Variants in DOT1L observed in about 807,000 individuals in gnomAD.
DOT1L encodes DOT1 like histone lysine methyltransferase, also known as histone-lysine N-methyltransferase, H3 lysine-79 specific.
Under a neutral mutation model 153.3 loss-of-function variants are expected in DOT1L, and 33 were observed. That is an observed-to-expected ratio of 0.22 (90% CI 0.16 to 0.29). The LOEUF (loss-of-function observed/expected upper bound fraction) is 0.29. DOT1L is among the 10% of genes least tolerant of loss of function. The probability of loss-of-function intolerance (pLI) is 1.00; values close to 1 mark genes in which losing one functional copy is unlikely to be tolerated. For missense variants in DOT1L, 1,847 were observed against 2,119.9 expected (o/e 0.87, Z 2.53); for synonymous variants, 1,135 against 965.1 (o/e 1.18, Z -3.26).
rs1172919978 is a variant in DOT1L at position 2,210,863 on chromosome 19, G to A, written c.1351+8G>A. 2.5e-6 allele frequency: 4 copies of A among 1,610,642 alleles called. No individual in the cohort carries two copies. Among genetic ancestry groups the A allele is most frequent in the African/African-American group, 1.3e-5 (1 of 74,834 alleles). ...CGGCCTCCTCACCCCAGGGTGAGCCGCCCCCACGCCACGGCCCCCGCTCTC... is the reference window on the plus strand; with the variant it reads ...CGGCCTCCTCACCCCAGGGTGAGCCACCCCCACGCCACGGCCCCCGCTCTC... On this transcript the variant is annotated splice_region_variant and intron_variant, in intron 14 of 27. Coordinates refer to ENST00000398665, the MANE Select transcript of DOT1L (RefSeq NM_032482.3).
At chr19:2,167,397 C>T (rs1026312965) in intron 1 of DOT1L, among the ~76,000 whole-genome samples, 1 of 152,196 alleles carries the variant, frequency 6.6e-6, no homozygotes, top group African/African-American at 2.4e-5. Context: ...CTGGTGTCCC[C>T]GCCCGCATGC....
At chr19:2,194,772 C>T (rs1241706798) in intron 7 of DOT1L, among the ~76,000 whole-genome samples, 195 bp downstream of exon 7, 2 of 152,174 alleles carry the variant, frequency 1.3e-5, no homozygotes, top group Non-Finnish European at 2.9e-5. Context: ...CTGTTGGTAC[C>T]GTCCCTCTCG....
In DOT1L at chr19:2,208,694, G is replaced by T. The variant is rs1282688589; in HGVS notation, c.964-241G>T. 6.6e-6 allele frequency among the ~76,000 whole-genome samples: 1 copy of T among 152,122 alleles called. No individual in the cohort carries two copies. Among genetic ancestry groups the T allele is most frequent in the Admixed American group, 6.5e-5 (1 of 15,274 alleles). Reference sequence around the variant, plus strand: ...CCAGGGCCCTGTGTCTGTTCTGAAGGCTTAAACCAGCCCCGCCCACCCGTC... The same window carrying T: ...CCAGGGCCCTGTGTCTGTTCTGAAGTCTTAAACCAGCCCCGCCCACCCGTC... On this transcript the variant is annotated intron_variant, in intron 11 of 27. Transcript: ENST00000398665. This position sits in a 1 kb window ranked among gnomAD's most constrained non-coding sequence, Gnocchi z 4.4.
Position 2,191,720 on chromosome 19 carries a change from G to A in DOT1L, c.493+480G>A, listed in dbSNP as rs1199116516. On this transcript the variant is annotated intron_variant, in intron 5 of 27. Transcript: ENST00000398665. This position sits in a 1 kb window ranked among gnomAD's most constrained non-coding sequence, Gnocchi z 6.8. ...TCCCTGGGCTCCCGGAGGCCCTCGCGCCCTCCCTGCATCCCCAGTCTCCCT... is the reference window on the plus strand; with the variant it reads ...TCCCTGGGCTCCCGGAGGCCCTCGCACCCTCCCTGCATCCCCAGTCTCCCT... 6.6e-6 allele frequency among the ~76,000 whole-genome samples: 1 copy of A among 152,036 alleles called. No homozygotes were observed. The highest frequency in any genetic ancestry group is 1.5e-5 in the Non-Finnish European group (1 of 67,964).
At chr19:2,211,062 C>A (rs749405445) in intron 14 of DOT1L, 37 bp from the exon 15 acceptor site, 1 of 1,592,750 alleles carries the variant, frequency 6.3e-7, no homozygotes, top group East Asian at 2.2e-5. Context: ...GCTCTCCCGA[C>A]CCGCCCTGTG....
intron 2 of DOT1L, among the ~76,000 whole-genome samples, chr19:2,185,336 C>T (rs1321272248): frequency 9.2e-5 from 14 of 152,216 alleles, no homozygotes; most frequent in Admixed American, 9.2e-4. Flanking sequence ...CTCGAAGCCA[C>T]GTAATACCTG....
chr19:2,223,548 C>CTGTG (rs895630801), intron 25 of DOT1L, 62 bp downstream of exon 25: 3 of 361,730 alleles, frequency 8.3e-6, no homozygotes, highest in Non-Finnish European at 1.3e-5. Flanking sequence ...TGCCTGCTCA[C>CTGTG]TGTGTGTGTG....
intron 25 of DOT1L, 116 bp downstream of exon 25, chr19:2,223,602 C>T: frequency 1.7e-6 from 2 of 1,153,694 alleles, no homozygotes; most frequent in Non-Finnish European, 2.4e-6. Context: ...TAGGGGGTGC[C>T]CTGGATGGGA....
rs553039466 is a variant in DOT1L at position 2,222,451 on chromosome 19, G to A, written c.3282G>A (p.Ala1094=). Residue 1094 remains alanine, a synonymous_variant, in exon 24 of 28, where the codon GCG becomes GCA. Coordinates refer to ENST00000398665, the MANE Select transcript of DOT1L (RefSeq NM_032482.3). The surrounding 1 kb of genome is among the most constrained non-coding windows in gnomAD (Gnocchi z 6.5). The part of the protein sequence containing the change: ...RRRGRRKRAS[A]GTPSLSAGVS... Reference sequence around the variant, plus strand: ...GCGGCCGGCGGAAGCGAGCATCTGCGGGGACGCCCAGCTTGAGCGCAGGCG... The same window carrying A: ...GCGGCCGGCGGAAGCGAGCATCTGCAGGGACGCCCAGCTTGAGCGCAGGCG... The A allele has an allele frequency of 2.9e-5, 46 of 1,608,102 alleles. No homozygotes were observed. In the East Asian group the frequency reaches 5.8e-4, roughly 20 times the overall value.
chr19:2,195,079 G>A (rs1006695457), intron 7 of DOT1L, among the ~76,000 whole-genome samples: 2 of 152,096 alleles, frequency 1.3e-5, no homozygotes, highest in African/African-American at 2.4e-5. Context: ...ATGGCGTCGC[G>A]TGTGGCCCTC....
chr19:2,225,444 T>C lies in DOT1L; in HGVS notation c.3653T>C (p.Leu1218Ser). ...GAAAGCAAATCTCCCCCGAAAACCT[T>C]GGAAAATGGTGAGTAACAAGTGTTT... ...SLESKSPPKT[L>S]ENGGGLAGRK... is the part of the protein sequence containing the mutation. The change falls in exon 26 of 28, where the codon TTG becomes TCG. Residue 1218 changes from leucine to serine, a missense_variant. Coordinates refer to ENST00000398665, the MANE Select transcript of DOT1L (RefSeq NM_032482.3). The C allele has an allele frequency of 6.2e-7, 1 of 1,614,076 alleles. No individual in the cohort carries two copies. The highest frequency in any genetic ancestry group is 8.5e-7 in the Non-Finnish European group (1 of 1,179,992).
intron 26 of DOT1L, 102 bp downstream of exon 26, chr19:2,225,554 G>A (rs1486597073): frequency 9.5e-6 from 12 of 1,262,100 alleles, no homozygotes; most frequent in African/African-American, 4.4e-5. Context: ...ATCGTGTCCC[G>A]CATGGTGCTG....
Position 2,226,296 on chromosome 19 carries a change from A to T in DOT1L, c.3775A>T (p.Ser1259Cys). Reference protein sequence around the residue: ...SDIGLAKSADSPLQASSALSQ... With the variant: ...SDIGLAKSADCPLQASSALSQ... The stretch of plus-strand genomic sequence containing the variant: ...CATCGGCCTGGCCAAGTCGGCGGAC[A>T]GCCCGCTGCAGGCCAGCTCCGCCCT... The change falls in exon 27 of 28, where the codon AGC becomes TGC. Residue 1259 changes from serine (S) to cysteine (C), a missense_variant. This residue lies in a region of DOT1L where 934 missense variants were observed against 825.3 expected (regional missense o/e 1.13). Transcript: ENST00000398665. 6.3e-7 allele frequency: 1 copy of T among 1,595,732 alleles called. No individual in the cohort carries two copies.
intron 9 of DOT1L, among the ~76,000 whole-genome samples, chr19:2,206,073 T>C (rs570092313): frequency 3.5e-5 from 5 of 143,034 alleles, no homozygotes; most frequent in South Asian, 2.3e-4. Context: ...CTCGACTCAC[T>C]TGCAGCTTCC....
intron 1 of DOT1L, among the ~76,000 whole-genome samples, chr19:2,169,719 A>G (rs1238769032): frequency 6.6e-6 from 1 of 152,218 alleles, no homozygotes; most frequent in Admixed American, 6.5e-5. Context: ...TATTTGGGGT[A>G]ATTCGAGCCT....
chr19:2,223,116 G>A (rs955589800), intron 24 of DOT1L, among the ~76,000 whole-genome samples, 165 bp from the exon 25 acceptor site: 1 of 151,844 alleles, frequency 6.6e-6, no homozygotes, highest in Non-Finnish European at 1.5e-5. Flanking sequence ...GGTGTGTGAG[G>A]ACCAGGAAGA....
intron 1 of DOT1L, among the ~76,000 whole-genome samples, chr19:2,178,949 C>A (rs1381350922): frequency 1.3e-5 from 2 of 152,198 alleles, no homozygotes; most frequent in South Asian, 4.1e-4. Flanking sequence ...GTACCCTGAT[C>A]CGAACCAGGA....
chr19:2,206,057 C>T (rs1216095530), intron 9 of DOT1L, among the ~76,000 whole-genome samples: 4 of 150,586 alleles, frequency 2.7e-5, no homozygotes, highest in Middle Eastern at 3.4e-3. Flanking sequence ...AGTGCAGTGG[C>T]GCGATCTCGA....
intron 1 of DOT1L, among the ~76,000 whole-genome samples, chr19:2,165,916 C>T (rs2019900222): frequency 6.6e-6 from 1 of 151,092 alleles, no homozygotes; most frequent in Non-Finnish European, 1.5e-5. Flanking sequence ...CTATAGGCGC[C>T]CGCCACCACG....
Sources: gnomAD v4.1 joint callset for allele counts (sites outside exome capture counted in the v4.1 genomes callset) on GRCh38, gnomAD v4.1.1 for gene constraint, gnomAD v4.1.1 regional missense constraint, Gnocchi (gnomAD v3.1) non-coding constraint, MANE v1.5 for transcripts, NCBI Gene and HGNC (gene_info 2026-07-23, HGNC 2026-07-21) for gene names.